KRT74: variants seen among roughly 807,000 people sequenced by gnomAD.
KRT74 encodes keratin 74.
A neutral mutation model predicts 42.7 loss-of-function variants in KRT74; 43 were observed. That is an observed-to-expected ratio of 1.01 (90% CI 0.79 to 1.30). The LOEUF (loss-of-function observed/expected upper bound fraction) is 1.30, where lower values mean the gene tolerates loss of function less well. Among genes scored for constraint, KRT74 ranks in the 50% most tolerant of loss-of-function variants. KRT74 has a pLI of 0.00. For missense variants in KRT74, 736 were observed against 689.1 expected (o/e 1.07, Z -0.76); for synonymous variants, 302 against 279.0 (o/e 1.08, Z -0.82).
At chr12:52,569,147 A>G (rs1565607416) in intron 6 of KRT74, among the ~76,000 whole-genome samples, 1 of 152,166 alleles carries the variant, frequency 6.6e-6, no homozygotes, top group Non-Finnish European at 1.5e-5. Context: ...TATCACTAGC[A>G]GAGCAGACCT....
chr12:52,573,286 T>G lies in KRT74; in HGVS notation c.471+21A>C, dbSNP rs768515754. On this transcript the variant is annotated intron_variant, in intron 1 of 8. Coordinates refer to ENST00000305620, the MANE Select transcript of KRT74 (RefSeq NM_175053.4). ...GCTCAGGCCTCAGGGTGCGGCCTCA[T>G]CCTCCTCCTATGAGACCCACCTTGT... The G allele has an allele frequency of 5.0e-6, 8 of 1,610,474 alleles. No homozygotes were observed. In the African/African-American group the frequency reaches 6.7e-5, roughly 13 times the overall value.
At position 52,567,080 on chromosome 12, in the gene KRT74, GC is replaced by G; in HGVS notation, c.1478del (p.Gly493AlafsTer68). The G allele has an allele frequency of 1.9e-6, 3 of 1,597,328 alleles. No homozygotes were observed. The highest frequency in any genetic ancestry group is 1.7e-6 in the Non-Finnish European group (2 of 1,167,482). On this transcript the variant is annotated frameshift_variant, in exon 9 of 9. Coordinates refer to ENST00000305620, the MANE Select transcript of KRT74 (RefSeq NM_175053.4). LOFTEE classifies it low-confidence loss of function (END_TRUNC). ...LGASAVAGSS[G>X]STQSGQTKTT... is the part of the protein sequence containing the mutation. The stretch of plus-strand genomic sequence containing the variant: ...TCTTGGTCTGCCCGCTCTGGGTGCT[GC>G]CAGAGCTGCCTGCCACAGCGCTGGC...
In KRT74 at chr12:52,572,720, C is replaced by T. The variant is rs565098974; in HGVS notation, c.472-53G>A. 3 of 1,518,320 alleles carry T rather than the reference C, an allele frequency of 2.0e-6. No individual in the cohort carries two copies. In the East Asian group the frequency reaches 6.8e-5, roughly 34 times the overall value. The allele number at this position is 1,518,320 out of a possible 1,614,324, so 94.1% of individuals were successfully genotyped here. A position where few individuals can be genotyped will look rare whatever the true frequency, so the allele number is the denominator to read the frequency against. On this transcript the variant is annotated intron_variant, in intron 1 of 8. Coordinates refer to ENST00000305620, the MANE Select transcript of KRT74 (RefSeq NM_175053.4). ...AACCACAATGGGTGCAGTCATGCCC[C>T]CTGGACACACACCATTGACTCCCCA...
chr12:52,567,652 T>G lies in KRT74; in HGVS notation c.1390+7A>C. ...CCCAACCCAAGGCATCTCTCAAGAA[T>G]ACTCACAGATGCTCACAGAGGATGG... On this transcript the variant is annotated splice_region_variant and intron_variant, in intron 8 of 8. Coordinates refer to ENST00000305620, the MANE Select transcript of KRT74 (RefSeq NM_175053.4). 1 of 1,608,718 alleles carries G rather than the reference T, an allele frequency of 6.2e-7. No homozygotes were observed. Among genetic ancestry groups the G allele is most frequent in the Non-Finnish European group, 8.5e-7 (1 of 1,175,148 alleles).
chr12:52,570,127 A>C, intron 5 of KRT74, 143 bp from the exon 6 acceptor site: 1 of 886,406 alleles, frequency 1.1e-6, no homozygotes, highest in Non-Finnish European at 1.7e-6. Context: ...CTGGGGGCCC[A>C]GGTAAGGGGT....
At chr12:52,571,275 G>A (rs1420737186) in intron 4 of KRT74, 84 bp downstream of exon 4, 2 of 901,082 alleles carry the variant, frequency 2.2e-6, no homozygotes, top group Non-Finnish European at 3.8e-6. Flanking sequence ...TCATTTTGTT[G>A]ATCCTAAATC....
At chr12:52,571,918 A>C in intron 3 of KRT74, 26 bp downstream of exon 3, 1 of 1,432,934 alleles carries the variant, frequency 7.0e-7, no homozygotes, top group Non-Finnish European at 9.8e-7. Flanking sequence ...GAGAGACCCT[A>C]ATAAGGAGGC....
At position 52,567,064 on chromosome 12, in the gene KRT74, G is replaced by T; in HGVS notation, c.1495C>A (p.Gln499Lys). ...CCTCGCGCCTCTGTGGTCTTGGTCT[G>T]CCCGCTCTGGGTGCTGCCAGAGCTG... ...AGSSGSTQSG[Q>K]TKTTEARGGD... The change falls in exon 9 of 9, where the codon CAG becomes AAG. Residue 499 changes from glutamine to lysine, a missense_variant. Coordinates refer to ENST00000305620, the MANE Select transcript of KRT74 (RefSeq NM_175053.4). The T allele has an allele frequency of 6.3e-7, 1 of 1,595,158 alleles. No homozygotes were observed.
intron 3 of KRT74, among the ~76,000 whole-genome samples, 196 bp from the exon 4 acceptor site, chr12:52,571,650 A>G (rs1004609278): frequency 7.2e-5 from 11 of 152,208 alleles, no homozygotes; most frequent in Non-Finnish European, 1.5e-4. Context: ...TTATGCCTGG[A>G]GAAAACAAAG....
rs1456115148 is a variant in KRT74, at chr12:52,573,330, TGTC to T, written c.445_447del (p.Asp149del). 6.2e-7 allele frequency: 1 copy of T among 1,614,138 alleles called. No individual in the cohort carries two copies. On this transcript the variant is annotated inframe_deletion, in exon 1 of 9. Transcript: ENST00000305620. ...ACCTTGTCAATGAAGGAGGCGAACT[TGTC>T]GTTCAGCACCTTGATCTGTTCCCGC...
chr12:52,568,969 G>A (rs1051963497), intron 6 of KRT74, among the ~76,000 whole-genome samples: 1 of 152,184 alleles, frequency 6.6e-6, no homozygotes, highest in Non-Finnish European at 1.5e-5. Flanking sequence ...ACATCTGGGG[G>A]GCATTGCGAT....
intron 5 of KRT74, among the ~76,000 whole-genome samples, 161 bp downstream of exon 5, chr12:52,570,508 G>A (rs894931989): frequency 3.9e-5 from 6 of 152,262 alleles, no homozygotes; most frequent in African/African-American, 1.4e-4. Flanking sequence ...ATTTATCTTT[G>A]ATAACAAGCT....
At chr12:52,571,557 C>A in intron 3 of KRT74, 103 bp from the exon 4 acceptor site, 1 of 829,370 alleles carries the variant, frequency 1.2e-6, no homozygotes, top group Non-Finnish European at 2.1e-6. Context: ...TTTCTACCCA[C>A]AAAGGAAAGC....
intron 7 of KRT74, 41 bp from the exon 8 acceptor site, chr12:52,567,734 C>T (rs200714055): frequency 1.2e-5 from 18 of 1,479,258 alleles, no homozygotes; most frequent in Middle Eastern, 1.7e-4. Flanking sequence ...AACTCAGTGT[C>T]GAGATTCCAC....
intron 2 of KRT74, 140 bp downstream of exon 2, chr12:52,572,313 C>T (rs558802050): frequency 2.3e-6 from 2 of 876,320 alleles, no homozygotes; most frequent in East Asian, 2.6e-5. Flanking sequence ...ATAGGCCCTT[C>T]CCCCTAGCCA....
Position 52,566,845 on chromosome 12 carries a change from G to A in KRT74, c.*124C>T. The stretch of plus-strand genomic sequence containing the variant: ...AAAGTAAAAGCTAAACCACGATGCA[G>A]ACAGTTGAGTGTACTACAGACAGTT... On this transcript the variant is annotated 3_prime_UTR_variant, in exon 9 of 9. Coordinates refer to ENST00000305620, the MANE Select transcript of KRT74 (RefSeq NM_175053.4). The A allele has an allele frequency of 1.4e-6, 1 of 695,334 alleles. No homozygotes were observed. Among genetic ancestry groups the A allele is most frequent in the South Asian group, 2.4e-5 (1 of 41,292 alleles). The allele number at this position is 695,334 out of a possible 1,614,324, so 43.1% of individuals were successfully genotyped here. A position where few individuals can be genotyped will look rare whatever the true frequency, so the allele number is the denominator to read the frequency against.
rs574375666 is a variant in KRT74, at chr12:52,573,163, C to T, written c.471+144G>A. 119 of 809,254 alleles carry T rather than the reference C, an allele frequency of 1.5e-4. No individual in the cohort carries two copies. In the African/African-American group the frequency reaches 1.8e-3, roughly 12 times the overall value. The allele number at this position is 809,254 out of a possible 1,614,324, so 50.1% of individuals were successfully genotyped here. A position where few individuals can be genotyped will look rare whatever the true frequency, so the allele number is the denominator to read the frequency against. On this transcript the variant is annotated intron_variant, in intron 1 of 8. Transcript: ENST00000305620. ...TCCTTTGTCCTCCGTGGCTCACAGA[C>T]CTACTCTCCTTCCCTAATGGTGAGG...
At position 52,567,181 on chromosome 12, in the gene KRT74, G is replaced by C; in HGVS notation, c.1391-13C>G. On this transcript the variant is annotated splice_polypyrimidine_tract_variant and intron_variant, in intron 8 of 8. Transcript: ENST00000305620. ...CTGCTGATGACAGCTGAGGAGGAGGGGCCAAGAGCAGGGGAGAGGAGCAGT... is the reference window on the plus strand; with the variant it reads ...CTGCTGATGACAGCTGAGGAGGAGGCGCCAAGAGCAGGGGAGAGGAGCAGT... The C allele has an allele frequency of 6.4e-7, 1 of 1,573,978 alleles. No homozygotes were observed. The highest frequency in any genetic ancestry group is 8.7e-7 in the Non-Finnish European group (1 of 1,155,226).
rs1015545707 is a variant in KRT74, at chr12:52,566,699, G to T, written c.*270C>A. 10 of 402,816 alleles carry T rather than the reference G, an allele frequency of 2.5e-5. No homozygotes were observed. The highest frequency in any genetic ancestry group is 6.0e-5 in the African/African-American group (3 of 50,118). 25.0% of individuals were successfully genotyped at this position (402,816 alleles called of 1,614,324 possible). A position where few individuals can be genotyped will look rare whatever the true frequency, so the allele number is the denominator to read the frequency against. On this transcript the variant is annotated 3_prime_UTR_variant, in exon 9 of 9. Coordinates refer to ENST00000305620, the MANE Select transcript of KRT74 (RefSeq NM_175053.4). The stretch of plus-strand genomic sequence containing the variant: ...TCACAGCTTCCTTAGGGCCAAGAAG[G>T]TTATAATGGCTTGTGCCTCCAAAGC...
Sources: allele counts gnomAD v4.1 joint callset (sites outside exome capture counted in the v4.1 genomes callset), GRCh38; gene constraint gnomAD v4.1.1; transcripts MANE v1.5; gene names NCBI Gene and HGNC (gene_info 2026-07-23, HGNC 2026-07-21).